RPL10A: variants seen among roughly 807,000 people sequenced by gnomAD.
RPL10A encodes large ribosomal subunit protein uL1.
In RPL10A, 11 loss-of-function variants were observed where a neutral mutation model predicts 24.6. The ratio of observed to expected loss-of-function variants is 0.45; its 90% confidence interval spans 0.28 to 0.74. The LOEUF is 0.74. RPL10A is among the 30% of genes least tolerant of loss of function. The pLI, the probability that RPL10A is intolerant of heterozygous loss-of-function variation, is 0.13. For synonymous variants in RPL10A, 98 were observed against 108.5 expected (o/e 0.90, Z 0.60); for missense variants, 136 against 273.1 (o/e 0.50, Z 3.54).
intron 3 of RPL10A, 130 bp from the exon 4 acceptor site, chr6:35,469,251 G>A (rs1767969799): frequency 1.3e-6 from 2 of 1,497,566 alleles, no homozygotes; most frequent in East Asian, 4.7e-5. Context: ...AGCCTGAGAA[G>A]CCAGGCTGGC....
At position 35,470,577 on chromosome 6, in the gene RPL10A, C is replaced by G; in HGVS notation, c.484-3C>G. The G allele has an allele frequency of 6.2e-7, 1 of 1,608,700 alleles. No homozygotes were observed. Among genetic ancestry groups the G allele is most frequent in the Non-Finnish European group, 8.5e-7 (1 of 1,175,856 alleles). The stretch of plus-strand genomic sequence containing the variant: ...GACTTGATCCTCTCTTCCCTCCTCC[C>G]AGGTGTTATGTCTGGCTGTAGCTGT... On this transcript the variant is annotated splice_region_variant and splice_polypyrimidine_tract_variant and intron_variant, in intron 5 of 5. Coordinates refer to ENST00000322203, the MANE Select transcript of RPL10A (RefSeq NM_007104.5). This position sits in a 1 kb window ranked among gnomAD's most constrained non-coding sequence, Gnocchi z 4.6.
At chr6:35,468,755 G>C (rs1235489538) in intron 1 of RPL10A, 44 bp from the exon 2 acceptor site, 2 of 1,556,112 alleles carry the variant, frequency 1.3e-6, no homozygotes, top group African/African-American at 1.4e-5. Flanking sequence ...GTCCGAGCGT[G>C]TGGACTCCGC....
Position 35,468,929 on chromosome 6 carries a change from C to T in RPL10A, c.81-18C>T, listed in dbSNP as rs1023393391. 11 of 1,613,874 alleles carry T rather than the reference C, an allele frequency of 6.8e-6. No individual in the cohort carries two copies. Among genetic ancestry groups the T allele is most frequent in the African/African-American group, 2.7e-5 (2 of 75,034 alleles). ...TGGCGAGGGCCGGCGGGTGCTTAAC[C>T]CCCCTCCTCTCTCGAAGGTTCCTGG... On this transcript the variant is annotated intron_variant, in intron 2 of 5. Coordinates refer to ENST00000322203, the MANE Select transcript of RPL10A (RefSeq NM_007104.5).
chr6:35,470,083 C>A lies in RPL10A; in HGVS notation c.311-96C>A. The A allele has an allele frequency of 8.6e-7, 1 of 1,163,482 alleles. No homozygotes were observed. The highest frequency in any genetic ancestry group is 2.4e-5 in the East Asian group (1 of 41,932). 72.1% of individuals were successfully genotyped at this position (1,163,482 alleles called of 1,614,324 possible). Reference sequence around the variant, plus strand: ...GAGGGTGCTGCTTGGAGGTCACTTACATGATTGATTCAAGTGCGTTTCTGG... The same window carrying A: ...GAGGGTGCTGCTTGGAGGTCACTTAAATGATTGATTCAAGTGCGTTTCTGG... On this transcript the variant is annotated intron_variant, in intron 4 of 5. Transcript: ENST00000322203. The surrounding 1 kb of genome is among the most constrained non-coding windows in gnomAD (Gnocchi z 4.6).
At chr6:35,468,696 G>T (rs934267808) in intron 1 of RPL10A, 103 bp from the exon 2 acceptor site, 5 of 1,531,732 alleles carry the variant, frequency 3.3e-6, no homozygotes, top group African/African-American at 1.4e-5. Context: ...GGAGTCCGCC[G>T]TGGGCCGCCC....
rs1031136570 is a variant in RPL10A at position 35,470,110 on chromosome 6, C to G, written c.311-69C>G. The G allele has an allele frequency of 6.1e-6, 9 of 1,469,578 alleles. No individual in the cohort carries two copies. In the African/African-American group the frequency reaches 1.1e-4, roughly 18 times the overall value. 91.0% of individuals were successfully genotyped at this position (1,469,578 alleles called of 1,614,324 possible). ...TGATTGATTCAAGTGCGTTTCTGGC[C>G]TGCCACATTTGAGGTGTGCCTTGGT... On this transcript the variant is annotated intron_variant, in intron 4 of 5. Transcript: ENST00000322203. The surrounding 1 kb of genome is among the most constrained non-coding windows in gnomAD (Gnocchi z 4.6).
rs778998065 is a variant in RPL10A, at chr6:35,468,937, T to C, written c.81-10T>C. 1.1e-5 allele frequency: 17 copies of C among 1,613,662 alleles called. No homozygotes were observed. The highest frequency in any genetic ancestry group is 2.2e-5 in the East Asian group (1 of 44,864). On this transcript the variant is annotated splice_polypyrimidine_tract_variant and intron_variant, in intron 2 of 5. Coordinates refer to ENST00000322203, the MANE Select transcript of RPL10A (RefSeq NM_007104.5). ...GCCGGCGGGTGCTTAACCCCCCTCC[T>C]CTCTCGAAGGTTCCTGGAGACGGTG...
At position 35,470,319 on chromosome 6, in the gene RPL10A, G is replaced by T. The variant is rs1430263677; in HGVS notation, c.451G>T (p.Val151Leu). 6.2e-7 allele frequency: 1 copy of T among 1,603,466 alleles called. No individual in the cohort carries two copies. The highest frequency in any genetic ancestry group is 1.7e-5 in the Admixed American group (1 of 60,006). ...NENMVAKVDE[V>L]KSTIKFQMKK... ...AAACATGGTGGCCAAAGTGGATGAGGTGAAGTCCACAATCAAGTTCCAAAT... is the reference window on the plus strand; with the variant it reads ...AAACATGGTGGCCAAAGTGGATGAGTTGAAGTCCACAATCAAGTTCCAAAT... The change falls in exon 5 of 6, where the codon GTG becomes TTG. Residue 151 changes from valine to leucine, a missense_variant. Val to Leu is a conservative substitution (Grantham distance 32). This residue lies in a region of RPL10A where 48 missense variants were observed against 105.9 expected (regional missense o/e 0.45). Transcript: ENST00000322203. The surrounding 1 kb of genome is among the most constrained non-coding windows in gnomAD (Gnocchi z 4.6).
In RPL10A at chr6:35,468,820, C is replaced by G; in HGVS notation, c.27C>G (p.Thr9=). 6.2e-7 allele frequency: 1 copy of G among 1,608,294 alleles called. No homozygotes were observed. The highest frequency in any genetic ancestry group is 1.3e-5 in the African/African-American group (1 of 74,890). ...GCAGCAGCAAAGTCTCTCGCGACAC[C>G]CTGTACGAGGCGGTGCGGGAAGTCC... MSSKVSRD[T]LYEAVREVLH... The change falls in exon 2 of 6, where the codon ACC becomes ACG. Residue 9 remains threonine (T), a synonymous_variant. Transcript: ENST00000322203.
rs898961737 is a variant in RPL10A, at chr6:35,470,232, C to A, written c.364C>A (p.Arg122=). ...AGAGTCTCTGATCAAGCAGATTCCACGAATCCTCGGCCCAGGTTTAAATAA... is the reference window on the plus strand; with the variant it reads ...AGAGTCTCTGATCAAGCAGATTCCAAGAATCCTCGGCCCAGGTTTAAATAA... ...ASESLIKQIP[R]ILGPGLNKAG... is the part of the protein sequence containing the mutation. The change falls in exon 5 of 6, where the codon CGA becomes AGA. Residue 122 remains arginine, a synonymous_variant. Transcript: ENST00000322203. This position sits in a 1 kb window ranked among gnomAD's most constrained non-coding sequence, Gnocchi z 4.6. 5 of 1,612,814 alleles carry A rather than the reference C, an allele frequency of 3.1e-6. No homozygotes were observed. Among genetic ancestry groups the A allele is most frequent in the Non-Finnish European group, 3.4e-6 (4 of 1,179,860 alleles).
chr6:35,470,498 C>T lies in RPL10A; in HGVS notation c.484-82C>T, dbSNP rs773639153. On this transcript the variant is annotated intron_variant, in intron 5 of 5. Coordinates refer to ENST00000322203, the MANE Select transcript of RPL10A (RefSeq NM_007104.5). The surrounding 1 kb of genome is among the most constrained non-coding windows in gnomAD (Gnocchi z 4.6). ...CTTGGCCCGGGTCCAAGTACCTGCTCACCAGGCCACTGGGGGAGGAAGGAC... is the reference window on the plus strand; with the variant it reads ...CTTGGCCCGGGTCCAAGTACCTGCTTACCAGGCCACTGGGGGAGGAAGGAC... 4.0e-6 allele frequency: 6 copies of T among 1,510,540 alleles called. No homozygotes were observed. The highest frequency in any genetic ancestry group is 5.4e-6 in the Non-Finnish European group (6 of 1,101,814). The allele number at this position is 1,510,540 out of a possible 1,614,324, so 93.6% of individuals were successfully genotyped here. A position where few individuals can be genotyped will look rare whatever the true frequency, so the allele number is the denominator to read the frequency against.
At chr6:35,469,766 G>A (rs1167211122) in intron 4 of RPL10A, among the ~76,000 whole-genome samples, 1 of 151,468 alleles carries the variant, frequency 6.6e-6, no homozygotes, top group Non-Finnish European at 1.5e-5. Flanking sequence ...CCAGGTGCTG[G>A]TGAACTATGA....
At position 35,469,260 on chromosome 6, in the gene RPL10A, G is replaced by C. The variant is rs900355940; in HGVS notation, c.162-121G>C. 5 of 1,502,870 alleles carry C rather than the reference G, an allele frequency of 3.3e-6. No individual in the cohort carries two copies. The African/African-American group carries it at 7.0e-5, about 21-fold the overall frequency. The allele number at this position is 1,502,870 out of a possible 1,614,324, so 93.1% of individuals were successfully genotyped here. A position where few individuals can be genotyped will look rare whatever the true frequency, so the allele number is the denominator to read the frequency against. ...CCGGCCAGCCTGAGAAGCCAGGCTG[G>C]CTGCTGGTGAATGTGAACGCTCCGG... is the stretch of plus-strand genomic sequence containing the variant. On this transcript the variant is annotated intron_variant, in intron 3 of 5. Coordinates refer to ENST00000322203, the MANE Select transcript of RPL10A (RefSeq NM_007104.5).
rs1467619736 is a variant in RPL10A, at chr6:35,469,519, C to T, written c.300C>T (p.Val100=). ...AACTCAACAAGAATAAAAAACTGGT[C>T]AAGAAGCTGGGTGAGTCCGGCCGCT... ...LKKLNKNKKL[V]KKLAKKYDAF... Residue 100 remains valine (V), a synonymous_variant, in exon 4 of 6, where the codon GTC becomes GTT. Coordinates refer to ENST00000322203, the MANE Select transcript of RPL10A (RefSeq NM_007104.5). The T allele has an allele frequency of 1.2e-6, 2 of 1,613,462 alleles. No homozygotes were observed. The highest frequency in any genetic ancestry group is 1.7e-5 in the Admixed American group (1 of 59,886).
At position 35,470,304 on chromosome 6, in the gene RPL10A, GC is replaced by G. The variant is rs1768004219; in HGVS notation, c.438del (p.Val148TrpfsTer4). 6.2e-7 allele frequency: 1 copy of G among 1,604,560 alleles called. No individual in the cohort carries two copies. Among genetic ancestry groups the G allele is most frequent in the Non-Finnish European group, 8.5e-7 (1 of 1,179,814 alleles). On this transcript the variant is annotated frameshift_variant, in exon 5 of 6. Coordinates refer to ENST00000322203, the MANE Select transcript of RPL10A (RefSeq NM_007104.5). LOFTEE classifies it high-confidence loss of function. The surrounding 1 kb of genome is among the most constrained non-coding windows in gnomAD (Gnocchi z 4.6). ...SLLTHNENMV[A>X]KVDEVKSTIK... The stretch of plus-strand genomic sequence containing the variant: ...GCTCACACACAACGAAAACATGGTG[GC>G]CAAAGTGGATGAGGTGAAGTCCACA...
intron 1 of RPL10A, 21 bp downstream of exon 1, chr6:35,468,460 C>T (rs529016719): frequency 1.9e-6 from 3 of 1,613,996 alleles, no homozygotes; most frequent in Non-Finnish European, 2.5e-6. Context: ...CCTGAAAGCC[C>T]TATCCGCGTT....
In RPL10A at chr6:35,469,045, C is replaced by T; in HGVS notation, c.161+18C>T. On this transcript the variant is annotated intron_variant, in intron 3 of 5. Coordinates refer to ENST00000322203, the MANE Select transcript of RPL10A (RefSeq NM_007104.5). ...ACCGTCAGGTTGGCACCGTTCTGAT[C>T]CCACCCAGCCCTCAGTGCCCCCGTG... The T allele has an allele frequency of 6.2e-7, 1 of 1,611,044 alleles. No homozygotes were observed. Among genetic ancestry groups the T allele is most frequent in the Non-Finnish European group, 8.5e-7 (1 of 1,179,462 alleles).
chr6:35,468,639 C>G (rs1767919325), intron 1 of RPL10A, 160 bp from the exon 2 acceptor site: 1 of 1,518,008 alleles, frequency 6.6e-7, no homozygotes, highest in Admixed American at 2.0e-5. Context: ...GGGCTTGGGT[C>G]TGGGTCTGAG....
At chr6:35,468,474 C>A (rs771071650) in intron 1 of RPL10A, 35 bp downstream of exon 1, 2 of 1,613,870 alleles carry the variant, frequency 1.2e-6, no homozygotes, top group Non-Finnish European at 8.5e-7. Context: ...CCGCGTTCAT[C>A]CGCGCCTTCA....
Sources: allele counts gnomAD v4.1 joint callset (sites outside exome capture counted in the v4.1 genomes callset), GRCh38; gene constraint gnomAD v4.1.1; regional missense constraint gnomAD v4.1.1; non-coding constraint Gnocchi (gnomAD v3.1); transcripts MANE v1.5; gene names NCBI Gene and HGNC (gene_info 2026-07-23, HGNC 2026-07-21).